Variants in INPP4B observed in about 807,000 individuals in gnomAD.
The protein encoded by INPP4B is inositol polyphosphate 4-phosphatase type II.
INPP4B carries 55 observed loss-of-function variants against 122.5 expected under a neutral mutation model. That is an observed-to-expected ratio of 0.45 (90% CI 0.36 to 0.56). INPP4B has a LOEUF of 0.56. Among genes scored for constraint, INPP4B ranks in the 20% least tolerant of loss-of-function variants. The pLI, the probability that INPP4B is intolerant of heterozygous loss-of-function variation, is 0.00. For synonymous variants in INPP4B, 403 were observed against 388.7 expected (o/e 1.04, Z -0.43); for missense variants, 1,000 against 1,097.7 (o/e 0.91, Z 1.26).
intron 2 of INPP4B, among the ~76,000 whole-genome samples, chr4:142,502,728 GC>G (rs1823547132): frequency 6.6e-6 from 1 of 151,966 alleles, no homozygotes; most frequent in African/African-American, 2.4e-5. Context: ...TGATCCACCT[GC>G]CCCATTCTCC....
chr4:142,079,900 G>T (rs1447110327), intron 25 of INPP4B, among the ~76,000 whole-genome samples: 1 of 151,996 alleles, frequency 6.6e-6, no homozygotes, highest in African/African-American at 2.4e-5. Context: ...AAAACTACAA[G>T]GATCATAATT....
chr4:142,322,869 A>T (rs1183207308), intron 7 of INPP4B, among the ~76,000 whole-genome samples: 1 of 152,236 alleles, frequency 6.6e-6, no homozygotes, highest in Non-Finnish European at 1.5e-5. Flanking sequence ...AGAATGTCCA[A>T]GGGAAGGACC....
At chr4:142,666,874 C>A (rs1365155303) in intron 2 of INPP4B, among the ~76,000 whole-genome samples, 1 of 152,160 alleles carries the variant, frequency 6.6e-6, no homozygotes, top group Non-Finnish European at 1.5e-5. Flanking sequence ...TCAACACAAC[C>A]TGAGACTTTT....
rs1744537546 is a variant in INPP4B at position 142,269,213 on chromosome 4, C to G, written c.615+1450G>C. Among the ~76,000 whole-genome samples, 5 of 152,294 alleles carry G rather than the reference C, an allele frequency of 3.3e-5. No individual in the cohort carries two copies. In the South Asian group the frequency reaches 1.0e-3, roughly 32 times the overall value. On this transcript the variant is annotated intron_variant, in intron 10 of 25. Transcript: ENST00000262992. ...ATGCATAATTGACTATTCCTCTTCT[C>G]CCTTTCACATATAAAATGTAGATTC...
chr4:142,651,046 T>C (rs1245657888), intron 2 of INPP4B, among the ~76,000 whole-genome samples: 1 of 152,140 alleles, frequency 6.6e-6, no homozygotes, highest in African/African-American at 2.4e-5. Context: ...GCAATCAAAT[T>C]AGAACTCAGG....
At chr4:142,276,116 G>A (rs1324753217) in intron 9 of INPP4B, among the ~76,000 whole-genome samples, 1 of 151,602 alleles carries the variant, frequency 6.6e-6, no homozygotes, top group East Asian at 1.9e-4. Flanking sequence ...CCTCCATAAT[G>A]TCTATTTCAT....
intron 1 of INPP4B, among the ~76,000 whole-genome samples, chr4:142,743,366 G>T (rs1768181839): frequency 6.6e-6 from 1 of 151,994 alleles, no homozygotes; most frequent in African/African-American, 2.4e-5. Flanking sequence ...TGCAAGGCAA[G>T]AAGCCAGAAA....
intron 2 of INPP4B, among the ~76,000 whole-genome samples, chr4:142,658,671 T>C (rs746568178): frequency 2.6e-5 from 4 of 152,230 alleles, no homozygotes; most frequent in African/African-American, 9.7e-5. Flanking sequence ...ATTGGAAGAA[T>C]TGGTTATTTT....
chr4:142,824,460 G>C (rs951012659), intron 1 of INPP4B, among the ~76,000 whole-genome samples: 4 of 152,078 alleles, frequency 2.6e-5, no homozygotes, highest in African/African-American at 9.7e-5. Flanking sequence ...CAGGCCAAGA[G>C]TAGTTGTTAA....
At chr4:142,064,871 A>C (rs1762725809) in intron 25 of INPP4B, among the ~76,000 whole-genome samples, 1 of 152,222 alleles carries the variant, frequency 6.6e-6, no homozygotes, top group Non-Finnish European at 1.5e-5. Flanking sequence ...TGAAAACTCT[A>C]AAGCATATAA....
chr4:142,263,912 C>G (rs1334338237), intron 10 of INPP4B, among the ~76,000 whole-genome samples: 3 of 151,570 alleles, frequency 2.0e-5, no homozygotes, highest in African/African-American at 7.3e-5. Flanking sequence ...GGCAACGTAC[C>G]TGAAATGTTC....
At chr4:142,546,633 G>T (rs1344165089) in intron 2 of INPP4B, among the ~76,000 whole-genome samples, 1 of 152,154 alleles carries the variant, frequency 6.6e-6, no homozygotes, top group Non-Finnish European at 1.5e-5. Context: ...GATAGTGAAA[G>T]TGCCAGTGCT....
At chr4:142,599,994 G>A (rs895112980) in intron 2 of INPP4B, among the ~76,000 whole-genome samples, 1 of 151,804 alleles carries the variant, frequency 6.6e-6, no homozygotes, top group African/African-American at 2.4e-5. Flanking sequence ...AGAATAAAAA[G>A]AATGAACAAA....
chr4:142,446,240 T>C (rs1466725958), intron 3 of INPP4B, among the ~76,000 whole-genome samples: 1 of 151,714 alleles, frequency 6.6e-6, no homozygotes, highest in Non-Finnish European at 1.5e-5. Flanking sequence ...AAAAAAACTA[T>C]CAATATATAA....
chr4:142,452,344 A>G (rs1282065705), intron 3 of INPP4B, among the ~76,000 whole-genome samples: 4 of 152,326 alleles, frequency 2.6e-5, no homozygotes, highest in South Asian at 4.1e-4. Flanking sequence ...ACATGGACCC[A>G]CTTTGGGAAT....
intron 2 of INPP4B, among the ~76,000 whole-genome samples, chr4:142,588,039 C>T (rs1192019894): frequency 3.3e-5 from 5 of 151,808 alleles, no homozygotes; most frequent in African/African-American, 4.8e-5. Context: ...TAATTCACTA[C>T]CTGAACAGGC....
chr4:142,615,454 G>A (rs1249420890), intron 2 of INPP4B, among the ~76,000 whole-genome samples: 1 of 152,126 alleles, frequency 6.6e-6, no homozygotes, highest in Non-Finnish European at 1.5e-5. Context: ...CAGCAGAAAG[G>A]AATGTTTTAA....
chr4:142,811,183 C>T (rs1426031132), intron 1 of INPP4B, among the ~76,000 whole-genome samples: 1 of 152,192 alleles, frequency 6.6e-6, no homozygotes, highest in Non-Finnish European at 1.5e-5. Flanking sequence ...CTACCTCCAC[C>T]TGTGCATATA....
At chr4:142,444,311 T>C (rs1240369104) in intron 3 of INPP4B, among the ~76,000 whole-genome samples, 1 of 152,062 alleles carries the variant, frequency 6.6e-6, no homozygotes, top group Non-Finnish European at 1.5e-5. Context: ...ATTCTGTAGG[T>C]TGCCAACAAA....
Sources: gnomAD v4.1 joint callset for allele counts (sites outside exome capture counted in the v4.1 genomes callset) on GRCh38, gnomAD v4.1.1 for gene constraint, MANE v1.5 for transcripts, NCBI Gene and HGNC (gene_info 2026-07-23, HGNC 2026-07-21) for gene names.